The following FRMD4A variants were observed in gnomAD, a reference collection of about 807,000 sequenced individuals.
FRMD4A encodes FERM domain-containing protein 4A.
A neutral mutation model predicts 129.1 loss-of-function variants in FRMD4A; 29 were observed. That is an observed-to-expected ratio of 0.22 (90% CI 0.17 to 0.31). The LOEUF (loss-of-function observed/expected upper bound fraction) is 0.31, where lower values mean the gene tolerates loss of function less well. Ranked by LOEUF, FRMD4A falls within the 10% of genes least tolerant of loss-of-function variation. FRMD4A has a pLI of 1.00. For missense variants in FRMD4A, 1,272 were observed against 1,375.8 expected, an observed-to-expected ratio of 0.92 and a Z score of 1.19; for synonymous variants, 634 against 571.6, an observed-to-expected ratio of 1.11 and a Z score of -1.56.
chr10:13,957,488 T>A (rs2131349638), intron 2 of FRMD4A, among the ~76,000 whole-genome samples: 1 of 152,156 alleles, frequency 6.6e-6, no homozygotes, highest in South Asian at 2.1e-4. Flanking sequence ...CTTCTGACCT[T>A]AGGTGATCCA....
chr10:13,936,768 C>G (rs1224601897), intron 2 of FRMD4A, among the ~76,000 whole-genome samples: 1 of 152,188 alleles, frequency 6.6e-6, no homozygotes. Flanking sequence ...CTCTTCCTTG[C>G]AAATGAAGGG....
Position 14,185,506 on chromosome 10 carries a change from T to C in FRMD4A, c.45+144552A>G, listed in dbSNP as rs149606336. On this transcript the variant is annotated intron_variant, in intron 2 of 24. Transcript: ENST00000357447. ...TTTGTAATTTTTCTAACTTCAAGTA[T>C]TTTTTGGAGGTTTGTTGTAGAACTA... is the stretch of plus-strand genomic sequence containing the variant. Among the ~76,000 whole-genome samples the C allele has an allele frequency of 1.2e-4, 19 of 152,248 alleles. No individual in the cohort carries two copies. The East Asian group carries it at 3.7e-3, about 29-fold the overall frequency.
chr10:13,896,969 A>C (rs115913058), intron 2 of FRMD4A, among the ~76,000 whole-genome samples: 166 of 152,352 alleles, frequency 1.1e-3, no homozygotes, highest in African/African-American at 3.8e-3. Context: ...CATGAAATTC[A>C]TATATATTAC....
chr10:13,898,387 A>G (rs888227315), intron 2 of FRMD4A, among the ~76,000 whole-genome samples: 3 of 152,130 alleles, frequency 2.0e-5, no homozygotes, highest in Admixed American at 6.5e-5. Context: ...AAAATAAAAA[A>G]TTGATAACGA....
At chr10:14,145,147 G>A (rs1258704508) in intron 2 of FRMD4A, among the ~76,000 whole-genome samples, 2 of 152,136 alleles carry the variant, frequency 1.3e-5, no homozygotes, top group Admixed American at 6.5e-5. Flanking sequence ...CACATGCGGA[G>A]GCATCAATAA....
At chr10:14,238,908 C>T (rs2132000416) in intron 2 of FRMD4A, among the ~76,000 whole-genome samples, 1 of 152,270 alleles carries the variant, frequency 6.6e-6, no homozygotes, top group South Asian at 2.1e-4. Flanking sequence ...GTATATGTGC[C>T]ACATTTTCTT....
At chr10:14,184,635 A>C (rs1164196296) in intron 2 of FRMD4A, among the ~76,000 whole-genome samples, 1 of 152,084 alleles carries the variant, frequency 6.6e-6, no homozygotes, top group East Asian at 1.9e-4. Flanking sequence ...GAGCCTCTGA[A>C]CGTTCCCAGA....
intron 2 of FRMD4A, among the ~76,000 whole-genome samples, chr10:14,182,636 C>T (rs1841950765): frequency 6.6e-6 from 1 of 152,118 alleles, no homozygotes; most frequent in Non-Finnish European, 1.5e-5. Context: ...AAAAGTAACT[C>T]ATGAACTCCT....
intron 2 of FRMD4A, among the ~76,000 whole-genome samples, chr10:13,906,931 G>A (rs772644961): frequency 6.6e-6 from 1 of 152,142 alleles, no homozygotes; most frequent in Non-Finnish European, 1.5e-5. Flanking sequence ...CACATCTAAA[G>A]GTGCGTGCTC....
chr10:13,783,188 T>C (rs893941790), intron 5 of FRMD4A, among the ~76,000 whole-genome samples, 182 bp from the exon 6 acceptor site: 1 of 152,248 alleles, frequency 6.6e-6, no homozygotes, highest in Non-Finnish European at 1.5e-5. Context: ...TTTGGAGTTT[T>C]GATAGTGGCT....
intron 12 of FRMD4A, among the ~76,000 whole-genome samples, chr10:13,711,659 A>C (rs1016325193): frequency 3.3e-5 from 5 of 152,272 alleles, no homozygotes; most frequent in African/African-American, 1.2e-4. Context: ...CAAAGAATGT[A>C]TTAATTCATA....
At chr10:13,956,530 A>C (rs2095411190) in intron 2 of FRMD4A, among the ~76,000 whole-genome samples, 1 of 152,242 alleles carries the variant, frequency 6.6e-6, no homozygotes, top group Admixed American at 6.5e-5. Flanking sequence ...TCAGGACAAC[A>C]AAGTTGCTTG....
chr10:14,088,453 A>AAAAAAAGAAAG (rs1479454425), intron 2 of FRMD4A, among the ~76,000 whole-genome samples: 22 of 151,560 alleles, frequency 1.5e-4, no homozygotes, highest in African/African-American at 5.3e-4. Context: ...TAAAAGAAAA[A>AAAAAAAGAAAG]AAAAAAAAAA....
At chr10:13,698,086 T>TGGAGGGAGGGAGGGAGGGAGGGAG (rs11268822) in intron 14 of FRMD4A, among the ~76,000 whole-genome samples, 9 of 149,150 alleles carry the variant, frequency 6.0e-5, no homozygotes, top group Admixed American at 1.3e-4. Flanking sequence ...GGAGAGCTGA[T>TGGAGGGAGGGAGGGAGGGAGGGAG]GGAGGGAGGG....
intron 8 of FRMD4A, among the ~76,000 whole-genome samples, chr10:13,749,464 G>C (rs748328564): frequency 5.5e-4 from 83 of 152,118 alleles, no homozygotes; most frequent in Non-Finnish European, 1.0e-3. Context: ...TTGGATGGTG[G>C]ACACTCCAGC....
intron 2 of FRMD4A, among the ~76,000 whole-genome samples, chr10:14,248,522 T>C (rs548889889): frequency 2.3e-4 from 35 of 152,338 alleles, no homozygotes; most frequent in South Asian, 1.0e-3. Flanking sequence ...TCTGAATTGT[T>C]TGAGATGTGG....
chr10:14,049,467 G>A (rs1006426018), intron 2 of FRMD4A, among the ~76,000 whole-genome samples: 1 of 152,196 alleles, frequency 6.6e-6, no homozygotes, highest in Non-Finnish European at 1.5e-5. Context: ...CACAGTTTGG[G>A]TTTCAGTGTA....
intron 3 of FRMD4A, among the ~76,000 whole-genome samples, chr10:13,848,872 G>A (rs1316885630): frequency 1.3e-5 from 2 of 152,176 alleles, no homozygotes; most frequent in Non-Finnish European, 2.9e-5. Context: ...CCAAGAGTAT[G>A]TTTTATGGAC....
chr10:14,316,423 T>C (rs1009927133), intron 2 of FRMD4A, among the ~76,000 whole-genome samples: 1 of 151,028 alleles, frequency 6.6e-6, no homozygotes, highest in African/African-American at 2.4e-5. Flanking sequence ...TCCTCGATCT[T>C]GGATTTCTCT....
Sources: gnomAD v4.1 joint callset for allele counts (sites outside exome capture counted in the v4.1 genomes callset) on GRCh38, gnomAD v4.1.1 for gene constraint, MANE v1.5 for transcripts, NCBI Gene and HGNC (gene_info 2026-07-23, HGNC 2026-07-21) for gene names.